Variants in MAF observed in about 807,000 individuals in gnomAD.
MAF encodes the protein MAF bZIP transcription factor.
A neutral mutation model predicts 22.0 loss-of-function variants in MAF; 10 were observed. That is an observed-to-expected ratio of 0.45 (90% CI 0.28 to 0.77). MAF has a LOEUF of 0.77. Among genes scored for constraint, MAF ranks in the 30% least tolerant of loss-of-function variants. The pLI is 0.12. For synonymous variants in MAF, 337 were observed against 255.8 expected, an observed-to-expected ratio of 1.32 and a Z score of -3.03; for missense variants, 544 against 548.4, an observed-to-expected ratio of 0.99 and a Z score of 0.08.
At chr16:79,232,837 CTTTTT>C in the MAF span, among the ~76,000 whole-genome samples, 1 of 113,824 alleles carries the variant, frequency 8.8e-6, no homozygotes, top group Non-Finnish European at 1.8e-5. Context: ...ATAAGCCATT[CTTTTT>C]TTTTTTTTTT....
the MAF span, among the ~76,000 whole-genome samples, chr16:79,318,533 C>T: frequency 1.3e-5 from 2 of 152,166 alleles, no homozygotes; most frequent in African/African-American, 4.8e-5. Flanking sequence ...CCAGAAAAAG[C>T]GTTCCCGAAA....
chr16:79,314,116 T>C, the MAF span, among the ~76,000 whole-genome samples: 1 of 152,210 alleles, frequency 6.6e-6, no homozygotes, highest in East Asian at 1.9e-4. Flanking sequence ...GCTGATGTGA[T>C]TTCCGTGTGG....
At chr16:79,222,448 G>C in the MAF span, among the ~76,000 whole-genome samples, 28 of 152,196 alleles carry the variant, frequency 1.8e-4, no homozygotes, top group African/African-American at 5.8e-4. Context: ...AAAGTAACTA[G>C]CTAGCATCAT....
Position 79,594,423 on chromosome 16 carries a change from T to C in MAF, c.*37A>G. 1.3e-6 allele frequency: 2 copies of C among 1,522,128 alleles called. No individual in the cohort carries two copies. The highest frequency in any genetic ancestry group is 1.8e-6 in the Non-Finnish European group (2 of 1,120,800). 94.3% of individuals were successfully genotyped at this position (1,522,128 alleles called of 1,614,324 possible). On this transcript the variant is annotated 3_prime_UTR_variant, in exon 2 of 2. Transcript: ENST00000326043. The stretch of plus-strand genomic sequence containing the variant: ...CCATGACTGCAAATAATAATAATAA[T>C]GATGATTTTTTTTAATGTACAGCTC...
At chr16:79,570,764 C>T in the MAF span, among the ~76,000 whole-genome samples, 1 of 152,166 alleles carries the variant, frequency 6.6e-6, no homozygotes, top group African/African-American at 2.4e-5. Context: ...TGAGAAGATA[C>T]AATACAACTG....
chr16:79,568,468 T>A, the MAF span, among the ~76,000 whole-genome samples: 1 of 152,150 alleles, frequency 6.6e-6, no homozygotes, highest in Admixed American at 6.5e-5. Flanking sequence ...GGTAGGTGAG[T>A]CTGAAGGTCT....
At chr16:79,284,072 A>AT in the MAF span, among the ~76,000 whole-genome samples, 1 of 151,582 alleles carries the variant, frequency 6.6e-6, no homozygotes, top group Admixed American at 6.6e-5. Flanking sequence ...ACTACAAGGT[A>AT]TTTTAATAAA....
At chr16:79,510,069 C>G in the MAF span, among the ~76,000 whole-genome samples, 1 of 152,186 alleles carries the variant, frequency 6.6e-6, no homozygotes. Flanking sequence ...AGAAACTCTG[C>G]CATTTACTAG....
the MAF span, among the ~76,000 whole-genome samples, chr16:79,445,537 G>A: frequency 1.8e-4 from 28 of 152,216 alleles, no homozygotes; most frequent in Non-Finnish European, 3.5e-4. Flanking sequence ...TAAGTCCAGA[G>A]TTCAGGTGCT....
chr16:79,304,786 A>T, the MAF span, among the ~76,000 whole-genome samples: 19 of 152,198 alleles, frequency 1.2e-4, no homozygotes, highest in African/African-American at 4.1e-4. Flanking sequence ...TGCTGTGTCC[A>T]TTACACTTTT....
chr16:79,527,958 A>G, the MAF span, among the ~76,000 whole-genome samples: 79,660 of 151,932 alleles, frequency 0.52, 22,853 homozygotes, highest in Non-Finnish European at 0.65. Flanking sequence ...CCTGGCCAAC[A>G]TGGCAAAACC....
the MAF span, among the ~76,000 whole-genome samples, chr16:79,500,928 C>A: frequency 1.1e-3 from 161 of 152,184 alleles, 2 homozygotes; most frequent in African/African-American, 3.7e-3. Context: ...GAAAATTCAC[C>A]GCCATATTTT....
the MAF span, chr16:79,212,309 A>G: frequency 2.2e-6 from 2 of 895,958 alleles, no homozygotes; most frequent in Non-Finnish European, 3.3e-6. Context: ...TGCTGGGGAG[A>G]CAAATCTCAG....
chr16:79,420,912 T>C, the MAF span, among the ~76,000 whole-genome samples: 1 of 152,002 alleles, frequency 6.6e-6, no homozygotes, highest in Non-Finnish European at 1.5e-5. Flanking sequence ...CAGGCACCTG[T>C]AATCCCAGCT....
chr16:79,448,545 C>T, the MAF span, among the ~76,000 whole-genome samples: 1 of 151,962 alleles, frequency 6.6e-6, no homozygotes, highest in Non-Finnish European at 1.5e-5. Context: ...CCTGTCTCAG[C>T]CTCCCGAGGA....
At chr16:79,555,481 C>T in the MAF span, among the ~76,000 whole-genome samples, 11 of 152,246 alleles carry the variant, frequency 7.2e-5, no homozygotes, top group East Asian at 7.7e-4. Context: ...ATTTCTGTAG[C>T]GTAAATGCCT....
the MAF span, among the ~76,000 whole-genome samples, chr16:79,265,074 C>T: frequency 2.0e-5 from 3 of 152,128 alleles, no homozygotes; most frequent in Non-Finnish European, 2.9e-5. Context: ...TTTAACTCTA[C>T]GAATTTCCTC....
At chr16:79,570,751 A>T in the MAF span, among the ~76,000 whole-genome samples, 1 of 152,182 alleles carries the variant, frequency 6.6e-6, no homozygotes, top group South Asian at 2.1e-4. Flanking sequence ...CCAGATGTGG[A>T]ATTGAGAAGA....
At chr16:79,354,788 T>A in the MAF span, among the ~76,000 whole-genome samples, 2 of 152,092 alleles carry the variant, frequency 1.3e-5, no homozygotes, top group African/African-American at 4.8e-5. Flanking sequence ...CCCAGAACCA[T>A]GGAAATGATA....
Sources: allele counts gnomAD v4.1 joint callset (sites outside exome capture counted in the v4.1 genomes callset), GRCh38; gene constraint gnomAD v4.1.1; transcripts MANE v1.5; gene names NCBI Gene and HGNC (gene_info 2026-07-23, HGNC 2026-07-21).